ZMYND11: variants seen among roughly 807,000 people sequenced by gnomAD.
The protein encoded by ZMYND11 is zinc finger MYND domain-containing protein 11.
A neutral mutation model predicts 84.9 loss-of-function variants in ZMYND11; 9 were observed. The ratio of observed to expected loss-of-function variants is 0.11; its 90% confidence interval spans 0.06 to 0.18. The LOEUF is 0.18. Among genes scored for constraint, ZMYND11 ranks in the 10% least tolerant of loss-of-function variants. The pLI, the probability that ZMYND11 is intolerant of heterozygous loss-of-function variation, is 1.00. For missense variants in ZMYND11, 409 were observed against 761.0 expected, an observed-to-expected ratio of 0.54 and a Z score of 5.44; for synonymous variants, 250 against 244.1, an observed-to-expected ratio of 1.02 and a Z score of -0.23.
chr10:238,628 T>TTGTA (rs1261873508), intron 6 of ZMYND11, among the ~76,000 whole-genome samples: 1 of 152,178 alleles, frequency 6.6e-6, no homozygotes, highest in Non-Finnish European at 1.5e-5. Context: ...AGTGCTGGGA[T>TTGTA]TACAGGCGTG....
rs569204660 is a variant in ZMYND11, at chr10:243,037, G to A, written c.950+898G>A. ...AACATATGCTTAATACATCATACTC[G>A]GATGGTTTCAGTTTCTTATCAGAAT... On this transcript the variant is annotated intron_variant, in intron 10 of 14. Coordinates refer to ENST00000381604, the MANE Select transcript of ZMYND11 (RefSeq NM_001370100.5). 9.2e-5 allele frequency among the ~76,000 whole-genome samples: 14 copies of A among 152,134 alleles called. 1 individual carries two copies. The South Asian group carries it at 1.9e-3, about 20-fold the overall frequency.
upstream of ZMYND11, among the ~76,000 whole-genome samples, chr10:131,602 G>A (rs1285696840): frequency 6.6e-6 from 1 of 152,148 alleles, no homozygotes; most frequent in Non-Finnish European, 1.5e-5. Context: ...ATAGCTCACT[G>A]CAGCCCTGAC....
At chr10:221,787 C>G (rs185384823) in intron 4 of ZMYND11, among the ~76,000 whole-genome samples, 1 of 151,884 alleles carries the variant, frequency 6.6e-6, no homozygotes, top group African/African-American at 2.4e-5. Context: ...TGTAATGTTG[C>G]CTTTATTTTT....
At chr10:167,184 G>A (rs886291350) in intron 1 of ZMYND11, among the ~76,000 whole-genome samples, 14 of 152,114 alleles carry the variant, frequency 9.2e-5, no homozygotes. Context: ...CACTGGGAAT[G>A]TAAAGTAGTT....
intron 2 of ZMYND11, among the ~76,000 whole-genome samples, chr10:185,238 G>A (rs1388983254): frequency 1.3e-5 from 2 of 151,914 alleles, no homozygotes; most frequent in African/African-American, 2.4e-5. Flanking sequence ...AGTATCTGTT[G>A]TGCCTCTCTG....
intron 6 of ZMYND11, among the ~76,000 whole-genome samples, 174 bp from the exon 7 acceptor site, chr10:239,264 A>G (rs1030360786): frequency 6.6e-6 from 1 of 152,240 alleles, no homozygotes; most frequent in Non-Finnish European, 1.5e-5. Context: ...CTATATTATT[A>G]AAACCGCAGG....
chr10:219,069 C>G (rs765095926), intron 3 of ZMYND11, among the ~76,000 whole-genome samples: 61 of 152,130 alleles, frequency 4.0e-4, no homozygotes, highest in Non-Finnish European at 8.1e-4. Flanking sequence ...ATAAATGTGT[C>G]CAGATGTTTC....
intron 9 of ZMYND11, among the ~76,000 whole-genome samples, chr10:241,426 C>G (rs1950893485): frequency 6.6e-6 from 1 of 152,200 alleles, no homozygotes; most frequent in South Asian, 2.1e-4. Flanking sequence ...AGTCCTCCCG[C>G]CTCGGCCTTC....
chr10:150,565 G>C (rs1588458387), intron 1 of ZMYND11, among the ~76,000 whole-genome samples: 1 of 152,160 alleles, frequency 6.6e-6, no homozygotes, highest in Non-Finnish European at 1.5e-5. Context: ...GCTGAGGCTT[G>C]AGTAGGTAAA....
At chr10:223,708 C>G (rs1589074557) in intron 4 of ZMYND11, among the ~76,000 whole-genome samples, 3 of 152,270 alleles carry the variant, frequency 2.0e-5, no homozygotes, top group East Asian at 1.9e-4. Flanking sequence ...TAAGTACTAA[C>G]AATTCTTTTC....
At chr10:228,628 C>T (rs1272687357) in intron 4 of ZMYND11, among the ~76,000 whole-genome samples, 1 of 152,218 alleles carries the variant, frequency 6.6e-6, no homozygotes, top group Non-Finnish European at 1.5e-5. Context: ...ATGCCTCGAC[C>T]TGAAGACAGA....
Position 251,806 on chromosome 10 carries a change from C to T in ZMYND11, c.1687-542C>T, listed in dbSNP as rs192834076. On this transcript the variant is annotated intron_variant, in intron 14 of 14. Coordinates refer to ENST00000381604, the MANE Select transcript of ZMYND11 (RefSeq NM_001370100.5). ...CCCAGGCCTCTGTCTGCCAGTAGTA[C>T]CTTCTGCCCTTAAGTTGTGACAGTC... is the stretch of plus-strand genomic sequence containing the variant. Among the ~76,000 whole-genome samples, 428 of 152,248 alleles carry T rather than the reference C, an allele frequency of 2.8e-3. 2 individuals are homozygous for T. The highest frequency in any genetic ancestry group is 9.9e-3 in the African/African-American group (411 of 41,552).
At chr10:150,233 G>A (rs541915542) in intron 1 of ZMYND11, among the ~76,000 whole-genome samples, 10 of 152,214 alleles carry the variant, frequency 6.6e-5, no homozygotes, top group Admixed American at 3.3e-4. Flanking sequence ...CTGTGAATCC[G>A]TCTGGTCCTG....
intron 14 of ZMYND11, chr10:249,344 A>C: frequency 8.2e-7 from 1 of 1,218,108 alleles, no homozygotes; most frequent in African/African-American, 1.6e-5. Context: ...ATTTATTACA[A>C]TTAACTTATA....
At chr10:190,050 T>A (rs1588798307) in intron 2 of ZMYND11, among the ~76,000 whole-genome samples, 1 of 152,190 alleles carries the variant, frequency 6.6e-6, no homozygotes, top group African/African-American at 2.4e-5. Flanking sequence ...AATGCTAGCA[T>A]TGAAATTTTT....
chr10:138,032 T>C (rs1836542646), intron 1 of ZMYND11, among the ~76,000 whole-genome samples: 1 of 152,176 alleles, frequency 6.6e-6, no homozygotes, highest in Non-Finnish European at 1.5e-5. Context: ...ATGTACGAGC[T>C]TCCAGCTTCA....
Position 246,993 on chromosome 10 carries a change from G to T in ZMYND11, c.1158+20G>T. On this transcript the variant is annotated intron_variant, in intron 11 of 14. Coordinates refer to ENST00000381604, the MANE Select transcript of ZMYND11 (RefSeq NM_001370100.5). ...GAGCAGGTGAGTGTGTCTCCGGAAG[G>T]AAGTGCCTATTCATTATTACTTTTA... 1 of 1,575,412 alleles carries T rather than the reference G, an allele frequency of 6.3e-7. No homozygotes were observed. The highest frequency in any genetic ancestry group is 1.8e-5 in the Admixed American group (1 of 54,800).
intron 1 of ZMYND11, among the ~76,000 whole-genome samples, chr10:136,425 C>T (rs1387306697): frequency 6.6e-6 from 1 of 152,080 alleles, no homozygotes; most frequent in Non-Finnish European, 1.5e-5. Context: ...GCGGTGGGTA[C>T]GCAGTACCGG....
intron 2 of ZMYND11, among the ~76,000 whole-genome samples, chr10:189,769 G>A (rs183579702): frequency 3.9e-5 from 6 of 152,300 alleles, no homozygotes; most frequent in Admixed American, 2.0e-4. Flanking sequence ...TAATAAGGCG[G>A]TAGTACCAAA....
Sources: gnomAD v4.1 joint callset for allele counts (sites outside exome capture counted in the v4.1 genomes callset) on GRCh38, gnomAD v4.1.1 for gene constraint, MANE v1.5 for transcripts, NCBI Gene and HGNC (gene_info 2026-07-23, HGNC 2026-07-21) for gene names.